Variants in COL5A2 observed in about 807,000 individuals in gnomAD.
COL5A2 encodes collagen type V alpha 2 chain, also known as collagen alpha-2(V) chain.
COL5A2 carries 23 observed loss-of-function variants against 208.2 expected under a neutral mutation model. The ratio of observed to expected loss-of-function variants is 0.11; its 90% CI spans 0.08 to 0.16. COL5A2 has a LOEUF of 0.16. Among genes scored for constraint, COL5A2 ranks in the 10% least tolerant of loss-of-function variants. The pLI, the probability that COL5A2 is intolerant of heterozygous loss-of-function variation, is 1.00. For synonymous variants in COL5A2, 625 were observed against 628.5 expected (o/e 0.99, Z 0.08); for missense variants, 1,590 against 1,956.4 (o/e 0.81, Z 3.53).
chr2:189,133,096 A>T (rs1445199784), intron 1 of COL5A2: 2 of 149,232 alleles, frequency 1.3e-5, no homozygotes, highest in Non-Finnish European at 3.0e-5. Context: ...CAATCTCTAC[A>T]CTACTGCCCA....
chr2:189,173,925 T>G (rs563813051), intron 1 of COL5A2, among the ~76,000 whole-genome samples: 1 of 152,344 alleles, frequency 6.6e-6, no homozygotes, highest in East Asian at 1.9e-4. Flanking sequence ...ATCTCTAATG[T>G]ATAAATCTAA....
At chr2:189,347,855 G>A in the COL5A2 span, among the ~76,000 whole-genome samples, 1 of 152,172 alleles carries the variant, frequency 6.6e-6, no homozygotes, top group South Asian at 2.1e-4. Context: ...GGGACAGAGG[G>A]AGTAAGTGAC....
At chr2:189,050,997 AAAG>A (rs1685774982) in intron 42 of COL5A2, among the ~76,000 whole-genome samples, 1 of 152,142 alleles carries the variant, frequency 6.6e-6, no homozygotes, top group Non-Finnish European at 1.5e-5. Context: ...AATAAGGAAA[AAAG>A]AGTTATCTAA....
At chr2:189,406,491 T>C in the COL5A2 span, among the ~76,000 whole-genome samples, 1 of 152,178 alleles carries the variant, frequency 6.6e-6, no homozygotes, top group East Asian at 1.9e-4. Flanking sequence ...AATTATATTC[T>C]TAACATTGTA....
At chr2:189,111,673 T>C (rs886593328) in intron 1 of COL5A2, among the ~76,000 whole-genome samples, 1 of 152,208 alleles carries the variant, frequency 6.6e-6, no homozygotes, top group Non-Finnish European at 1.5e-5. Flanking sequence ...ATTCATTCAT[T>C]CATTGTGTAT....
In COL5A2 at chr2:189,100,333, C is replaced by T. The variant is rs570369689; in HGVS notation, c.337-194G>A. Among the ~76,000 whole-genome samples, 52 of 152,068 alleles carry T rather than the reference C, an allele frequency of 3.4e-4. 1 individual carries two copies. The highest frequency in any genetic ancestry group is 7.9e-4 in the Admixed American group (12 of 15,262). Reference sequence around the variant, plus strand: ...TTACTCATTAAAATATTACTGCTCACCTGAAAGACATAAAAAAATCCAGCG... The same window carrying T: ...TTACTCATTAAAATATTACTGCTCATCTGAAAGACATAAAAAAATCCAGCG... On this transcript the variant is annotated intron_variant, in intron 3 of 53. Transcript: ENST00000374866.
At chr2:189,229,752 C>A (rs571443571), upstream of COL5A2, among the ~76,000 whole-genome samples, 53 of 151,776 alleles carry the variant, frequency 3.5e-4, no homozygotes, top group African/African-American at 7.2e-4. Context: ...AATGTCCATA[C>A]AACTGAAAGC....
intron 11 of COL5A2, among the ~76,000 whole-genome samples, chr2:189,084,404 G>C (rs1686605424): frequency 6.6e-6 from 1 of 152,082 alleles, no homozygotes; most frequent in South Asian, 2.1e-4. Flanking sequence ...CTGAATTAAA[G>C]TATTGCTTCT....
chr2:189,335,570 T>C, the COL5A2 span, among the ~76,000 whole-genome samples: 1 of 152,116 alleles, frequency 6.6e-6, no homozygotes, highest in Admixed American at 6.6e-5. Flanking sequence ...TGCCTATCAA[T>C]TGATGAATGA....
At chr2:189,169,891 ATT>A (rs1296382340) in intron 1 of COL5A2, among the ~76,000 whole-genome samples, 1 of 152,060 alleles carries the variant, frequency 6.6e-6, no homozygotes, top group African/African-American at 2.4e-5. Flanking sequence ...CTAATTTTGT[ATT>A]TTTAGCAGAG....
chr2:189,274,151 A>AG, the COL5A2 span, among the ~76,000 whole-genome samples: 1 of 152,170 alleles, frequency 6.6e-6, no homozygotes, highest in Non-Finnish European at 1.5e-5. Flanking sequence ...TTTTTAAAAT[A>AG]ATGATAGATA....
intron 1 of COL5A2, among the ~76,000 whole-genome samples, chr2:189,174,908 T>C (rs1346069480): frequency 6.6e-6 from 1 of 152,214 alleles, no homozygotes; most frequent in African/African-American, 2.4e-5. Flanking sequence ...TGTCAAAATT[T>C]ATCTAAAGAC....
At chr2:189,214,282 T>A (rs374079106) in intron 1 of COL5A2, among the ~76,000 whole-genome samples, 1 of 152,134 alleles carries the variant, frequency 6.6e-6, no homozygotes, top group East Asian at 1.9e-4. Flanking sequence ...AATACCTTAA[T>A]GTTCAACAAT....
chr2:189,338,175 T>C, the COL5A2 span, among the ~76,000 whole-genome samples: 7 of 151,960 alleles, frequency 4.6e-5, no homozygotes, highest in Non-Finnish European at 1.0e-4. Flanking sequence ...AACCAGGGGG[T>C]ACCTATTCTT....
intron 4 of COL5A2, among the ~76,000 whole-genome samples, chr2:189,099,594 C>T (rs1444326420): frequency 6.6e-6 from 1 of 152,002 alleles, no homozygotes; most frequent in Non-Finnish European, 1.5e-5. Context: ...CACTGCACTC[C>T]AGCCTGGGTA....
chr2:189,075,462 AC>A, intron 16 of COL5A2, 25 bp from the exon 17 acceptor site: 1 of 1,586,912 alleles, frequency 6.3e-7, no homozygotes, highest in South Asian at 1.1e-5. Context: ...AAGAGACAAG[AC>A]AGGATAAGAT....
chr2:189,439,744 C>G, the COL5A2 span, among the ~76,000 whole-genome samples: 17 of 152,178 alleles, frequency 1.1e-4, no homozygotes, highest in African/African-American at 4.1e-4. Flanking sequence ...ATTTATCAAT[C>G]CAGCTAGTTT....
chr2:189,057,060 T>A, intron 34 of COL5A2, 34 bp from the exon 35 acceptor site: 1 of 1,589,420 alleles, frequency 6.3e-7, no homozygotes, highest in South Asian at 1.1e-5. Flanking sequence ...TTGATTCATT[T>A]AATTGTCTCT....
chr2:189,054,297 A>G lies in COL5A2; in HGVS notation c.2392-85T>C. The G allele has an allele frequency of 4.0e-6, 4 of 996,326 alleles. No individual in the cohort carries two copies. The East Asian group carries it at 9.6e-5, about 24-fold the overall frequency. 61.7% of individuals were successfully genotyped at this position (996,326 alleles called of 1,614,324 possible). On this transcript the variant is annotated intron_variant, in intron 35 of 53. Coordinates refer to ENST00000374866, the MANE Select transcript of COL5A2 (RefSeq NM_000393.5). ...TAGCAAATCAACAAACAAAAAAGAA[A>G]CGACTATTTTGTTATAATTTGGCTG... is the stretch of plus-strand genomic sequence containing the variant.
Sources: gnomAD v4.1 joint callset for allele counts (sites outside exome capture counted in the v4.1 genomes callset) on GRCh38, gnomAD v4.1.1 for gene constraint, MANE v1.5 for transcripts, NCBI Gene and HGNC (gene_info 2026-07-23, HGNC 2026-07-21) for gene names.